The following FARS2 variants were observed in gnomAD, a reference collection of about 807,000 sequenced individuals.
FARS2 encodes the protein phenylalanine--tRNA ligase, mitochondrial.
FARS2 carries 40 observed loss-of-function variants against 46.4 expected under a neutral mutation model. The ratio of observed to expected loss-of-function variants is 0.86; its 90% CI spans 0.67 to 1.12. The LOEUF (loss-of-function observed/expected upper bound fraction) is 1.12. Among genes scored for constraint, FARS2 ranks in the 50% most tolerant of loss-of-function variants. The pLI is 0.00. For missense variants in FARS2, 513 were observed against 567.9 expected (o/e 0.90, Z 0.98); for synonymous variants, 234 against 214.9 (o/e 1.09, Z -0.78).
At chr6:5,502,535 A>T (rs1347705292) in intron 4 of FARS2, among the ~76,000 whole-genome samples, 1 of 152,270 alleles carries the variant, frequency 6.6e-6, no homozygotes, top group Non-Finnish European at 1.5e-5. Context: ...TTTACCATTC[A>T]CATAAAAGTC....
chr6:5,477,887 G>T (rs1344504527), intron 4 of FARS2, among the ~76,000 whole-genome samples: 2 of 152,194 alleles, frequency 1.3e-5, no homozygotes, highest in East Asian at 3.9e-4. Flanking sequence ...GGGCGTGGTG[G>T]TGTGTACCTG....
At chr6:5,723,281 C>G (rs568601534) in intron 6 of FARS2, among the ~76,000 whole-genome samples, 1 of 152,262 alleles carries the variant, frequency 6.6e-6, no homozygotes, top group African/African-American at 2.4e-5. Context: ...AAGCTCATAT[C>G]TATATATTTC....
At chr6:5,363,388 T>A (rs1429974871) in intron 1 of FARS2, among the ~76,000 whole-genome samples, 2 of 152,200 alleles carry the variant, frequency 1.3e-5, no homozygotes, top group African/African-American at 4.8e-5. Context: ...AGTTCTTTAC[T>A]GCCCCTTCCA....
chr6:5,361,922 G>A (rs1057495032), intron 1 of FARS2, among the ~76,000 whole-genome samples: 2 of 152,156 alleles, frequency 1.3e-5, no homozygotes, highest in African/African-American at 4.8e-5. Context: ...AAGGACTGTT[G>A]AAATGATTAT....
At chr6:5,415,937 G>A (rs538364925) in intron 3 of FARS2, among the ~76,000 whole-genome samples, 1 of 152,018 alleles carries the variant, frequency 6.6e-6, no homozygotes, top group Non-Finnish European at 1.5e-5. Context: ...GAACTCCTGG[G>A]CTCAAGCAGT....
chr6:5,462,132 T>C (rs546093142), intron 4 of FARS2, among the ~76,000 whole-genome samples: 3 of 152,250 alleles, frequency 2.0e-5, no homozygotes, highest in Non-Finnish European at 4.4e-5. Context: ...AGTTTTACTT[T>C]ACATTTTCCT....
intron 5 of FARS2, among the ~76,000 whole-genome samples, chr6:5,604,430 A>T (rs1774711126): frequency 6.6e-6 from 1 of 152,114 alleles, no homozygotes; most frequent in Non-Finnish European, 1.5e-5. Context: ...AAAGCTCATT[A>T]GCAGGTGCTC....
chr6:5,629,051 C>G (rs1776168517), intron 6 of FARS2, among the ~76,000 whole-genome samples: 1 of 152,164 alleles, frequency 6.6e-6, no homozygotes, highest in Non-Finnish European at 1.5e-5. Context: ...TTCCTTATAG[C>G]TAGAACGGCT....
chr6:5,485,647 G>A (rs1766730755), intron 4 of FARS2, among the ~76,000 whole-genome samples: 1 of 152,134 alleles, frequency 6.6e-6, no homozygotes, highest in African/African-American at 2.4e-5. Flanking sequence ...TTGTATCTTT[G>A]TCTTTTTTTA....
At chr6:5,509,964 A>T (rs942878805) in intron 4 of FARS2, among the ~76,000 whole-genome samples, 2 of 152,040 alleles carry the variant, frequency 1.3e-5, no homozygotes, top group Non-Finnish European at 2.9e-5. Flanking sequence ...GGAGCTCTTT[A>T]TGGTGGTGTT....
intron 5 of FARS2, among the ~76,000 whole-genome samples, chr6:5,567,223 A>G (rs1003986362): frequency 6.6e-6 from 1 of 152,218 alleles, no homozygotes; most frequent in African/African-American, 2.4e-5. Context: ...GTGAGGTGGT[A>G]TCTCATTGGG....
At chr6:5,629,888 A>C (rs1030442896) in intron 6 of FARS2, among the ~76,000 whole-genome samples, 11 of 152,174 alleles carry the variant, frequency 7.2e-5, no homozygotes, top group Non-Finnish European at 2.9e-5. Flanking sequence ...AAGAAACCAC[A>C]TAACTCTCAG....
chr6:5,296,929 G>C (rs950503023), intron 1 of FARS2, among the ~76,000 whole-genome samples: 1 of 152,018 alleles, frequency 6.6e-6, no homozygotes, highest in Non-Finnish European at 1.5e-5. Flanking sequence ...AGTTCTTCTG[G>C]GTACAGACCC....
chr6:5,622,208 C>A (rs376482258), intron 6 of FARS2, among the ~76,000 whole-genome samples: 5 of 152,218 alleles, frequency 3.3e-5, no homozygotes, highest in African/African-American at 7.2e-5. Flanking sequence ...AGGAAGCCCT[C>A]GGCAGAGCAA....
At chr6:5,543,396 A>G (rs1415977400) in intron 4 of FARS2, among the ~76,000 whole-genome samples, 3 of 132,648 alleles carry the variant, frequency 2.3e-5, no homozygotes, top group Non-Finnish European at 4.8e-5. Context: ...TTTTTTTCTC[A>G]CTCTGTGGAC....
intron 4 of FARS2, among the ~76,000 whole-genome samples, chr6:5,440,266 T>G (rs1315692031): frequency 1.3e-5 from 2 of 152,186 alleles, no homozygotes; most frequent in Non-Finnish European, 2.9e-5. Context: ...ATATATATAT[T>G]TTATAAAAAG....
intron 1 of FARS2, among the ~76,000 whole-genome samples, chr6:5,333,968 C>T (rs942015616): frequency 6.6e-6 from 1 of 152,184 alleles, no homozygotes; most frequent in African/African-American, 2.4e-5. Flanking sequence ...TGTTCTTCCT[C>T]CTAAACCTCC....
chr6:5,324,508 A>G (rs1454452988), intron 1 of FARS2, among the ~76,000 whole-genome samples: 1 of 150,060 alleles, frequency 6.7e-6, no homozygotes, highest in African/African-American at 2.5e-5. Flanking sequence ...TATTCTGGGA[A>G]AATGTGGATC....
chr6:5,717,556 G>A (rs1311498311), intron 6 of FARS2, among the ~76,000 whole-genome samples: 2 of 152,082 alleles, frequency 1.3e-5, no homozygotes, highest in African/African-American at 4.8e-5. Context: ...AAAACTAGTA[G>A]CTGAATCTAG....
Sources: gnomAD v4.1 joint callset for allele counts (sites outside exome capture counted in the v4.1 genomes callset) on GRCh38, gnomAD v4.1.1 for gene constraint, MANE v1.5 for transcripts, NCBI Gene and HGNC (gene_info 2026-07-23, HGNC 2026-07-21) for gene names.